GRM8: variants seen among roughly 807,000 people sequenced by gnomAD.
GRM8 encodes the protein glutamate metabotropic receptor 8, also known as metabotropic glutamate receptor 8.
A neutral mutation model predicts 87.2 loss-of-function variants in GRM8; 47 were observed. The ratio of observed to expected loss-of-function variants is 0.54; its 90% CI spans 0.43 to 0.69. GRM8 has a LOEUF of 0.69. Among genes scored for constraint, GRM8 ranks in the 30% least tolerant of loss-of-function variants. The pLI, the probability that GRM8 is intolerant of heterozygous loss-of-function variation, is 0.00. For synonymous variants in GRM8, 396 were observed against 404.5 expected, an observed-to-expected ratio of 0.98 and a Z score of 0.25; for missense variants, 1,019 against 1,139.2, an observed-to-expected ratio of 0.89 and a Z score of 1.52.
intron 7 of GRM8, among the ~76,000 whole-genome samples, chr7:126,616,495 A>AGCT (rs1799507335): frequency 6.6e-6 from 1 of 152,194 alleles, no homozygotes; most frequent in Non-Finnish European, 1.5e-5. Context: ...CACATTCAAA[A>AGCT]GCTAGCAGAA....
At chr7:126,581,155 A>G in intron 8 of GRM8, among the ~76,000 whole-genome samples, 1 of 152,062 alleles carries the variant, frequency 6.6e-6, no homozygotes, top group East Asian at 1.9e-4. Context: ...TTCAATTTTT[A>G]GAAAAAAATA....
chr7:126,695,441 G>A (rs10247812), intron 7 of GRM8, among the ~76,000 whole-genome samples: 2,992 of 152,222 alleles, frequency 0.02, 99 homozygotes, highest in African/African-American at 0.069. Context: ...ATTACAAGGA[G>A]TAGATGGAAT....
chr7:126,646,873 T>C (rs1166412757), intron 7 of GRM8, among the ~76,000 whole-genome samples: 3 of 152,220 alleles, frequency 2.0e-5, no homozygotes, highest in African/African-American at 7.2e-5. Context: ...TTCTCTCATG[T>C]TGCATTTCAT....
chr7:126,840,613 A>G (rs558325518), intron 6 of GRM8, among the ~76,000 whole-genome samples: 3 of 152,242 alleles, frequency 2.0e-5, no homozygotes, highest in Non-Finnish European at 4.4e-5. Context: ...TTAATTGTTG[A>G]CTATGTATTT....
chr7:126,898,963 T>C (rs1192071460), intron 6 of GRM8, among the ~76,000 whole-genome samples: 1 of 151,854 alleles, frequency 6.6e-6, no homozygotes, highest in Non-Finnish European at 1.5e-5. Flanking sequence ...CACTGTGTGA[T>C]GTTCCCCTCT....
intron 6 of GRM8, among the ~76,000 whole-genome samples, chr7:126,893,196 C>A (rs1801233113): frequency 6.6e-6 from 1 of 151,934 alleles, no homozygotes; most frequent in Non-Finnish European, 1.5e-5. Context: ...GGAGTCATGG[C>A]ATTTATAATG....
intron 7 of GRM8, among the ~76,000 whole-genome samples, chr7:126,747,222 C>T (rs760373429): frequency 2.0e-5 from 3 of 151,988 alleles, no homozygotes; most frequent in Non-Finnish European, 4.4e-5. Context: ...CAAAGACAGA[C>T]TACTTGTCTG....
intron 7 of GRM8, among the ~76,000 whole-genome samples, chr7:126,741,265 G>A (rs753424800): frequency 1.3e-5 from 2 of 151,886 alleles, no homozygotes; most frequent in Non-Finnish European, 2.9e-5. Flanking sequence ...CAGTGTTCCC[G>A]AGTTGATTCT....
In GRM8 at chr7:126,533,635, A is replaced by C. The variant is rs1414469394; in HGVS notation, c.1747T>G (p.Trp583Gly). Reference protein sequence around the residue: ...PIIKLEWHSPWAVVPVFVAIL... With the variant: ...PIIKLEWHSPGAVVPVFVAIL... ...GCAACAAACACAGGCACCACAGCCC[A>C]GGGAGAATGCCACTCCAATTTGATG... Residue 583 changes from tryptophan to glycine, a missense_variant, in exon 9 of 11, where the codon TGG becomes GGG. Transcript: ENST00000339582. 1.2e-6 allele frequency: 2 copies of C among 1,614,102 alleles called. No individual in the cohort carries two copies. Among genetic ancestry groups the C allele is most frequent in the South Asian group, 2.2e-5 (2 of 91,082 alleles).
intron 2 of GRM8, among the ~76,000 whole-genome samples, chr7:127,142,645 T>G (rs1403150244): frequency 6.6e-6 from 1 of 152,138 alleles, no homozygotes; most frequent in Non-Finnish European, 1.5e-5. Context: ...AATTGATAGA[T>G]ATATGATAGA....
chr7:126,604,844 G>A lies in GRM8; in HGVS notation c.1494+4518C>T, dbSNP rs533928351. 3.3e-5 allele frequency among the ~76,000 whole-genome samples: 5 copies of A among 152,122 alleles called. No individual in the cohort carries two copies. The East Asian group carries it at 5.8e-4, about 18-fold the overall frequency. Reference sequence around the variant, plus strand: ...GAGTCATCCACTGAAAATTAAATCAGGTTCAAAATTATTAATTCAGTTTCT... The same window carrying A: ...GAGTCATCCACTGAAAATTAAATCAAGTTCAAAATTATTAATTCAGTTTCT... On this transcript the variant is annotated intron_variant, in intron 8 of 10. Coordinates refer to ENST00000339582, the MANE Select transcript of GRM8 (RefSeq NM_000845.3).
At chr7:127,107,491 T>C (rs1328682343) in intron 2 of GRM8, among the ~76,000 whole-genome samples, 1 of 152,208 alleles carries the variant, frequency 6.6e-6, no homozygotes, top group Non-Finnish European at 1.5e-5. Flanking sequence ...TGATTGTGTA[T>C]AGTAACTCCT....
intron 2 of GRM8, among the ~76,000 whole-genome samples, chr7:127,216,420 AGGCAGG>A (rs1215388542): frequency 6.7e-6 from 1 of 148,716 alleles, no homozygotes; most frequent in Non-Finnish European, 1.5e-5. Flanking sequence ...TGGGAAGCTG[AGGCAGG>A]AGAATTTCTT....
Position 126,978,926 on chromosome 7 carries a change from C to A in GRM8, c.728-74243G>T, listed in dbSNP as rs184753137. ...ATAAAACAGGAATTTATTAATATTT[C>A]TTTGTCCTCTGCTATACTGGCCGAC... On this transcript the variant is annotated intron_variant, in intron 3 of 10. Coordinates refer to ENST00000339582, the MANE Select transcript of GRM8 (RefSeq NM_000845.3). Among the ~76,000 whole-genome samples, 105 of 152,268 alleles carry A rather than the reference C, an allele frequency of 6.9e-4. 1 individual carries two copies. Among genetic ancestry groups the A allele is most frequent in the Non-Finnish European group, 1.2e-3 (84 of 68,020 alleles).
At chr7:126,786,929 T>C (rs929964653) in intron 6 of GRM8, among the ~76,000 whole-genome samples, 3 of 152,228 alleles carry the variant, frequency 2.0e-5, no homozygotes, top group African/African-American at 7.2e-5. Flanking sequence ...ATTTTCAGCA[T>C]CATATTGTTT....
intron 8 of GRM8, among the ~76,000 whole-genome samples, chr7:126,583,543 T>G (rs866849763): frequency 2.6e-5 from 4 of 152,012 alleles, no homozygotes; most frequent in Admixed American, 6.6e-5. Flanking sequence ...TTAAAAGAGG[T>G]CAAAATATAA....
At chr7:126,553,109 T>G (rs1028021484) in intron 8 of GRM8, among the ~76,000 whole-genome samples, 4 of 152,112 alleles carry the variant, frequency 2.6e-5, no homozygotes, top group African/African-American at 9.7e-5. Flanking sequence ...ACCTACTTAT[T>G]CTGCCTAACA....
At chr7:126,804,348 T>C (rs1350993014) in intron 6 of GRM8, among the ~76,000 whole-genome samples, 1 of 152,228 alleles carries the variant, frequency 6.6e-6, no homozygotes, top group Non-Finnish European at 1.5e-5. Flanking sequence ...CTGCACACAA[T>C]CATTTTATTT....
chr7:127,063,480 G>T (rs564455481), intron 3 of GRM8, among the ~76,000 whole-genome samples: 74 of 152,284 alleles, frequency 4.9e-4, no homozygotes, highest in Middle Eastern at 6.8e-3. Flanking sequence ...GGAGGCTGAG[G>T]CAATAGGATC....
Sources: allele counts gnomAD v4.1 joint callset (sites outside exome capture counted in the v4.1 genomes callset), GRCh38; gene constraint gnomAD v4.1.1; transcripts MANE v1.5; gene names NCBI Gene and HGNC (gene_info 2026-07-23, HGNC 2026-07-21).